ABI2: variants seen among roughly 807,000 people sequenced by gnomAD.
ABI2 encodes the protein abl interactor 2.
In ABI2, 25 loss-of-function variants were observed where a neutral mutation model predicts 59.2. That is an observed-to-expected ratio of 0.42 (90% confidence interval 0.31 to 0.59). The LOEUF is 0.59. Ranked by LOEUF, ABI2 falls within the 20% of genes least tolerant of loss-of-function variation. The pLI is 0.14. For missense variants in ABI2, 545 were observed against 681.8 expected, an observed-to-expected ratio of 0.80 and a Z score of 2.23; for synonymous variants, 213 against 235.5, an observed-to-expected ratio of 0.90 and a Z score of 0.87.
chr2:203,410,235 A>G (rs2097601454), intron 9 of ABI2, among the ~76,000 whole-genome samples: 1 of 152,308 alleles, frequency 6.6e-6, no homozygotes, highest in East Asian at 1.9e-4. Context: ...ATTATCATGT[A>G]TTCTTCTGTT....
At chr2:203,393,072 CAG>C (rs1344146808) in intron 5 of ABI2, among the ~76,000 whole-genome samples, 2 of 151,970 alleles carry the variant, frequency 1.3e-5, no homozygotes, top group Non-Finnish European at 2.9e-5. Flanking sequence ...TTTTTTGAGA[CAG>C]AGTCTCACTG....
chr2:203,358,111 G>GTGTGTGTGTT (rs1553548766), intron 1 of ABI2, among the ~76,000 whole-genome samples: 3 of 109,250 alleles, frequency 2.7e-5, no homozygotes, highest in African/African-American at 5.7e-5. Context: ...GTGTGTGTGT[G>GTGTGTGTGTT]TGTTTGTTTG....
chr2:203,398,960 T>C (rs2153425820), intron 8 of ABI2, among the ~76,000 whole-genome samples: 1 of 152,288 alleles, frequency 6.6e-6, no homozygotes, highest in Non-Finnish European at 1.5e-5. Context: ...CAGAGGACAT[T>C]TAGATTTTTC....
At chr2:203,336,048 A>T (rs2076298403) in intron 1 of ABI2, among the ~76,000 whole-genome samples, 1 of 152,208 alleles carries the variant, frequency 6.6e-6, no homozygotes, top group African/African-American at 2.4e-5. Flanking sequence ...ATTATGTAGT[A>T]TATAGCCTTT....
chr2:203,379,055 A>G (rs1352882957), intron 2 of ABI2, among the ~76,000 whole-genome samples: 1 of 152,204 alleles, frequency 6.6e-6, no homozygotes, highest in Non-Finnish European at 1.5e-5. Context: ...TAGTGTACTA[A>G]TTACCTGTGT....
intron 8 of ABI2, among the ~76,000 whole-genome samples, chr2:203,401,156 T>G (rs2097202392): frequency 6.6e-6 from 1 of 152,184 alleles, no homozygotes; most frequent in African/African-American, 2.4e-5. Flanking sequence ...TTCAGTGGAT[T>G]CTTTTGCCCT....
chr2:203,395,141 T>C (rs1009491141), intron 6 of ABI2: 2 of 702,422 alleles, frequency 2.8e-6, no homozygotes, highest in Non-Finnish European at 5.2e-6. Flanking sequence ...TGTTTTTTGG[T>C]GGAACTTTAC....
At chr2:203,364,803 T>A (rs2094161469) in intron 1 of ABI2, among the ~76,000 whole-genome samples, 3 of 151,662 alleles carry the variant, frequency 2.0e-5, no homozygotes, top group Non-Finnish European at 4.4e-5. Context: ...GATATGATCA[T>A]GGCTCACTGC....
chr2:203,425,540 C>T (rs925991927), intron 11 of ABI2, among the ~76,000 whole-genome samples: 1 of 152,052 alleles, frequency 6.6e-6, no homozygotes, highest in Non-Finnish European at 1.5e-5. Context: ...TGTTGTCTTT[C>T]CTTAAAAAAA....
At chr2:203,407,076 T>G (rs1000067158) in intron 9 of ABI2, among the ~76,000 whole-genome samples, 1 of 152,156 alleles carries the variant, frequency 6.6e-6, no homozygotes, top group Non-Finnish European at 1.5e-5. Context: ...TTTCTTGGAG[T>G]TGAGCTGAAA....
At chr2:203,338,830 G>A (rs1394860867) in intron 1 of ABI2, among the ~76,000 whole-genome samples, 1 of 148,252 alleles carries the variant, frequency 6.7e-6, no homozygotes, top group African/African-American at 2.5e-5. Flanking sequence ...GCACAGCAAA[G>A]GACACAAAAT....
intron 2 of ABI2, among the ~76,000 whole-genome samples, chr2:203,378,350 A>G (rs1328634411): frequency 2.0e-5 from 3 of 152,136 alleles, no homozygotes; most frequent in Non-Finnish European, 2.9e-5. Flanking sequence ...GGACTTTGTG[A>G]TCCGCCCACC....
chr2:203,412,535 C>T (rs980680952), intron 10 of ABI2, among the ~76,000 whole-genome samples: 1 of 152,140 alleles, frequency 6.6e-6, no homozygotes, highest in Non-Finnish European at 1.5e-5. Context: ...GAAGGTACTC[C>T]ATGAACACCT....
intron 4 of ABI2, among the ~76,000 whole-genome samples, chr2:203,389,944 G>A (rs1417815592): frequency 2.0e-5 from 3 of 152,122 alleles, no homozygotes; most frequent in Non-Finnish European, 2.9e-5. Flanking sequence ...GTGGAGTTAC[G>A]GTCCAGCTCT....
chr2:203,380,197 A>T lies in ABI2; in HGVS notation c.286-11A>T. ...ACATTTTTGTGTTGTTTTTTACATT[A>T]TATTTTGCAGACAGTTGATATTCAT... On this transcript the variant is annotated splice_polypyrimidine_tract_variant and intron_variant, in intron 2 of 11. Coordinates refer to ENST00000261018, the MANE Select transcript of ABI2 (RefSeq NM_001375670.1). 6.6e-7 allele frequency: 1 copy of T among 1,526,514 alleles called. No individual in the cohort carries two copies. Among genetic ancestry groups the T allele is most frequent in the Middle Eastern group, 1.7e-4 (1 of 5,754 alleles). The allele number at this position is 1,526,514 out of a possible 1,614,324, so 94.6% of individuals were successfully genotyped here.
chr2:203,329,088 G>A (rs1057497592), intron 1 of ABI2: 11 of 153,178 alleles, frequency 7.2e-5, no homozygotes, highest in African/African-American at 2.4e-4. Context: ...AGTGCTTCAG[G>A]CTTCAGTTTT....
chr2:203,362,342 A>C (rs948950312), intron 1 of ABI2, among the ~76,000 whole-genome samples: 1 of 151,854 alleles, frequency 6.6e-6, no homozygotes, highest in Non-Finnish European at 1.5e-5. Flanking sequence ...GTGAATATTT[A>C]TTTTCTTTTA....
intron 11 of ABI2, among the ~76,000 whole-genome samples, chr2:203,419,657 G>A (rs374218958): frequency 6.6e-6 from 1 of 151,882 alleles, no homozygotes; most frequent in Non-Finnish European, 1.5e-5. Flanking sequence ...GATTACAGGC[G>A]TGAGCCACTG....
chr2:203,377,889 G>T (rs1374790600), intron 2 of ABI2, among the ~76,000 whole-genome samples: 1 of 152,202 alleles, frequency 6.6e-6, no homozygotes, highest in African/African-American at 2.4e-5. Context: ...CTGGGCGACA[G>T]AGTGAGATAC....
Sources: allele counts gnomAD v4.1 joint callset (sites outside exome capture counted in the v4.1 genomes callset), GRCh38; gene constraint gnomAD v4.1.1; transcripts MANE v1.5; gene names NCBI Gene and HGNC (gene_info 2026-07-23, HGNC 2026-07-21).